Variants in PLCXD2 observed in about 807,000 individuals in gnomAD.
PLCXD2 encodes the protein PI-PLC X domain-containing protein 2.
A neutral mutation model predicts 28.6 loss-of-function variants in PLCXD2; 21 were observed. That is an observed-to-expected ratio of 0.73 (90% CI 0.52 to 1.06). The LOEUF is 1.06. Ranked by LOEUF, PLCXD2 falls within the 50% of genes least tolerant of loss-of-function variation. The pLI is 0.00. For missense variants in PLCXD2, 369 were observed against 376.7 expected (o/e 0.98, Z 0.17); for synonymous variants, 140 against 150.1 (o/e 0.93, Z 0.49).
intron 1 of PLCXD2, among the ~76,000 whole-genome samples, chr3:111,697,397 A>T (rs973459223): frequency 4.6e-5 from 7 of 152,246 alleles, no homozygotes; most frequent in Non-Finnish European, 7.3e-5. Context: ...AAATTGGGTG[A>T]TAAAGCATAT....
chr3:111,698,862 C>T (rs558974121), intron 1 of PLCXD2, among the ~76,000 whole-genome samples: 2 of 152,054 alleles, frequency 1.3e-5, no homozygotes, highest in Non-Finnish European at 2.9e-5. Context: ...TTCCTTATTT[C>T]CCCCCCTCCT....
chr3:111,687,249 A>G (rs1940808002), intron 1 of PLCXD2, among the ~76,000 whole-genome samples: 1 of 152,224 alleles, frequency 6.6e-6, no homozygotes, highest in Admixed American at 6.5e-5. Flanking sequence ...CAATGTCCTA[A>G]GTTCATCAAA....
Position 111,679,353 on chromosome 3 carries a change from G to A in PLCXD2, c.163+3945G>A, listed in dbSNP as rs115449417. The stretch of plus-strand genomic sequence containing the variant: ...AAATGGCTAGAGGACACCCTCTCTG[G>A]TCCTTCCATATCCCTGTTATAGTTT... On this transcript the variant is annotated intron_variant, in intron 1 of 4. Transcript: ENST00000477665. Among the ~76,000 whole-genome samples the A allele has an allele frequency of 3.3e-5, 5 of 152,184 alleles. No homozygotes were observed. The South Asian group carries it at 1.0e-3, about 32-fold the overall frequency.
chr3:111,680,663 A>C (rs766705350), intron 1 of PLCXD2, among the ~76,000 whole-genome samples: 1 of 152,214 alleles, frequency 6.6e-6, no homozygotes, highest in Non-Finnish European at 1.5e-5. Context: ...CACAAAAGCC[A>C]CAAGGAATTC....
chr3:111,724,732 G>A (rs1462105627), intron 3 of PLCXD2: 1 of 152,196 alleles, frequency 6.6e-6, no homozygotes, highest in Non-Finnish European at 1.5e-5. Context: ...TGAAGTTTGT[G>A]TGATGTTTCT....
intron 3 of PLCXD2, among the ~76,000 whole-genome samples, chr3:111,714,794 G>A (rs1941246622): frequency 6.6e-6 from 1 of 152,132 alleles, no homozygotes; most frequent in Admixed American, 6.5e-5. Context: ...ATATGTGAGT[G>A]TGTGTATGTA....
At chr3:111,691,962 C>G (rs143072134) in intron 1 of PLCXD2, among the ~76,000 whole-genome samples, 1 of 152,180 alleles carries the variant, frequency 6.6e-6, no homozygotes, top group Non-Finnish European at 1.5e-5. Context: ...CAGGCAAGAG[C>G]CCCCACCAGG....
At chr3:111,679,752 G>GA (rs1940683854) in intron 1 of PLCXD2, among the ~76,000 whole-genome samples, 1 of 152,200 alleles carries the variant, frequency 6.6e-6, no homozygotes, top group Non-Finnish European at 1.5e-5. Context: ...CATTAGAAAT[G>GA]AAAATTTTGA....
chr3:111,711,927 A>T (rs1941204415), intron 2 of PLCXD2, among the ~76,000 whole-genome samples: 1 of 152,240 alleles, frequency 6.6e-6, no homozygotes, highest in Non-Finnish European at 1.5e-5. Flanking sequence ...AGGTCCATCA[A>T]GGAATCGTTC....
In PLCXD2 at chr3:111,708,242, G is replaced by A; in HGVS notation, c.480G>A (p.Leu160=). 6.2e-7 allele frequency: 1 copy of A among 1,614,064 alleles called. No homozygotes were observed. The highest frequency in any genetic ancestry group is 8.5e-7 in the Non-Finnish European group (1 of 1,180,008). Residue 160 remains leucine, a synonymous_variant, in exon 2 of 5, where the codon CTG becomes CTA. Transcript: ENST00000477665. ...AGCACCCCCAGGAGATTATCTTCCT[G>A]GATTTCAACCACTTCTATGCCATGG...
At chr3:111,680,100 C>G (rs1940689841) in intron 1 of PLCXD2, among the ~76,000 whole-genome samples, 1 of 152,064 alleles carries the variant, frequency 6.6e-6, no homozygotes, top group African/African-American at 2.4e-5. Context: ...GAATCCTATC[C>G]TTTTCCTAGC....
At chr3:111,694,952 A>C (rs1940940731) in intron 1 of PLCXD2, among the ~76,000 whole-genome samples, 2 of 152,292 alleles carry the variant, frequency 1.3e-5, no homozygotes, top group Admixed American at 1.3e-4. Flanking sequence ...GCCATTTGTA[A>C]AATGAAGTAG....
intron 1 of PLCXD2, among the ~76,000 whole-genome samples, chr3:111,694,869 G>C (rs1284020512): frequency 3.3e-5 from 5 of 152,148 alleles, no homozygotes; most frequent in Non-Finnish European, 7.3e-5. Context: ...CTCCTAAATG[G>C]CTCTTCTTCC....
intron 1 of PLCXD2, among the ~76,000 whole-genome samples, chr3:111,695,050 C>T (rs1369504342): frequency 2.0e-5 from 3 of 149,198 alleles, no homozygotes; most frequent in African/African-American, 7.4e-5. Flanking sequence ...CGTTTTAGTA[C>T]ATTTGAAAAA....
At position 111,708,370 on chromosome 3, in the gene PLCXD2, G is replaced by T; in HGVS notation, c.608G>T (p.Trp203Leu). 6.2e-7 allele frequency: 1 copy of T among 1,613,576 alleles called. No homozygotes were observed. Among genetic ancestry groups the T allele is most frequent in the Non-Finnish European group, 8.5e-7 (1 of 1,179,840 alleles). The change falls in exon 2 of 5, where the codon TGG (tryptophan) becomes TTG (leucine). Residue 203 changes from tryptophan (W) to leucine (L), a missense_variant. Physicochemically the swap from Trp to Leu is moderately conservative, Grantham distance 61. Coordinates refer to ENST00000477665, the MANE Select transcript of PLCXD2 (RefSeq NM_001185106.1). ...GAAAGTTTGACGCTGCGAACTCTGT[G>T]GGAGAAGAACTGCCAGGTAGGAGGG... is the stretch of plus-strand genomic sequence containing the variant.
chr3:111,689,502 C>T (rs1339054551), intron 1 of PLCXD2, among the ~76,000 whole-genome samples: 1 of 152,220 alleles, frequency 6.6e-6, no homozygotes, highest in South Asian at 2.1e-4. Context: ...TTTGAACACC[C>T]TCCCTTCCAA....
chr3:111,684,525 G>T (rs1559791432), intron 1 of PLCXD2, among the ~76,000 whole-genome samples: 1 of 151,806 alleles, frequency 6.6e-6, no homozygotes, highest in Non-Finnish European at 1.5e-5. Flanking sequence ...ATGATGGCGG[G>T]CGTCTGTAAT....
At chr3:111,697,657 C>T (rs1940981660) in intron 1 of PLCXD2, among the ~76,000 whole-genome samples, 1 of 152,006 alleles carries the variant, frequency 6.6e-6, no homozygotes, top group Admixed American at 6.5e-5. Flanking sequence ...TTTTCCATTT[C>T]AAATAATGGA....
intron 1 of PLCXD2, among the ~76,000 whole-genome samples, chr3:111,687,140 A>G (rs1286024759): frequency 6.6e-6 from 1 of 152,248 alleles, no homozygotes; most frequent in Non-Finnish European, 1.5e-5. Context: ...ACTAAATTCC[A>G]GAAACTAAGT....
Sources: gnomAD v4.1 joint callset for allele counts (sites outside exome capture counted in the v4.1 genomes callset) on GRCh38, gnomAD v4.1.1 for gene constraint, MANE v1.5 for transcripts, NCBI Gene and HGNC (gene_info 2026-07-23, HGNC 2026-07-21) for gene names.